The following DMD variants were observed in gnomAD, a reference collection of about 807,000 sequenced individuals.
DMD encodes the protein dystrophin, also known as mutant dystrophin.
Under a neutral mutation model 330.1 loss-of-function variants are expected in DMD, and 63 were observed. The ratio of observed to expected loss-of-function variants is 0.19; its 90% confidence interval spans 0.16 to 0.24. The LOEUF is 0.24. Ranked by LOEUF, DMD falls within the 10% of genes least tolerant of loss-of-function variation. The probability of loss-of-function intolerance (pLI) is 1.00; values close to 1 mark genes in which losing one functional copy is unlikely to be tolerated. For synonymous variants in DMD, 1,223 were observed against 959.8 expected, an observed-to-expected ratio of 1.27 and a Z score of -5.07; for missense variants, 3,344 against 2,684.1, an observed-to-expected ratio of 1.25 and a Z score of -5.43.
At chrX:32,024,732 G>C (rs919960171) in intron 44 of DMD, among the ~76,000 whole-genome samples, 49 of 110,931 alleles carry the variant, frequency 4.4e-4, no homozygotes, top group African/African-American at 1.5e-3. Context: ...AATTAATGTA[G>C]AGAAAGTAAT....
At chrX:31,770,419 T>C (rs1156818862) in intron 51 of DMD, among the ~76,000 whole-genome samples, 1 of 109,715 alleles carries the variant, frequency 9.1e-6, no homozygotes, top group Non-Finnish European at 1.9e-5. Context: ...TTCAGCCATA[T>C]GGAATCACAA....
At chrX:31,989,893 G>A (rs905643770) in intron 44 of DMD, among the ~76,000 whole-genome samples, 1 of 111,039 alleles carries the variant, frequency 9.0e-6, no homozygotes, top group African/African-American at 3.3e-5. Context: ...TTGGGCTTCT[G>A]TTGATTCCAT....
At chrX:32,109,527 T>G (rs1359695436) in intron 44 of DMD, among the ~76,000 whole-genome samples, 1 of 109,954 alleles carries the variant, frequency 9.1e-6, no homozygotes, top group Non-Finnish European at 1.9e-5. Flanking sequence ...TCATACAAAA[T>G]TCATTAAAGA....
chrX:31,545,646 C>T (rs1341083046), intron 55 of DMD, among the ~76,000 whole-genome samples: 3 of 112,122 alleles, frequency 2.7e-5, no homozygotes, highest in African/African-American at 9.7e-5. Context: ...TGATTTCTAA[C>T]AAGGATTTGT....
At chrX:31,800,700 T>G (rs2092022277) in intron 50 of DMD, among the ~76,000 whole-genome samples, 1 of 112,424 alleles carries the variant, frequency 8.9e-6, no homozygotes, top group African/African-American at 3.2e-5. Context: ...TTTCCAAACT[T>G]TGATGCTCTG....
chrX:33,125,796 A>C (rs2095460070), intron 1 of DMD, among the ~76,000 whole-genome samples: 1 of 111,816 alleles, frequency 8.9e-6, no homozygotes, highest in African/African-American at 3.2e-5. Flanking sequence ...GGAGACTTTG[A>C]TGTATAGTAT....
intron 51 of DMD, among the ~76,000 whole-genome samples, chrX:31,756,390 A>G (rs1181028639): frequency 8.9e-6 from 1 of 112,436 alleles, no homozygotes; most frequent in Non-Finnish European, 1.9e-5. Flanking sequence ...CCTAAATACT[A>G]ATTATAAACG....
intron 13 of DMD, among the ~76,000 whole-genome samples, chrX:32,584,710 G>C (rs2054032045): frequency 8.9e-6 from 1 of 111,951 alleles, no homozygotes; most frequent in African/African-American, 3.2e-5. Flanking sequence ...TAAAAATATA[G>C]CAAGACTAAC....
intron 2 of DMD, among the ~76,000 whole-genome samples, chrX:32,990,931 AG>A (rs1464924241): frequency 2.7e-5 from 3 of 111,715 alleles, no homozygotes; most frequent in Non-Finnish European, 5.6e-5. Context: ...GCTTTATCCT[AG>A]AAAAGGTTGG....
intron 44 of DMD, among the ~76,000 whole-genome samples, chrX:32,191,311 C>A (rs1232774270): frequency 8.9e-6 from 1 of 111,977 alleles, no homozygotes; most frequent in Non-Finnish European, 1.9e-5. Context: ...CTTCTCCCTG[C>A]TAAACTTCCC....
chrX:32,312,889 C>T (rs12399326), intron 41 of DMD, among the ~76,000 whole-genome samples: 45,039 of 91,601 alleles, frequency 0.49, 11,101 homozygotes, highest in South Asian at 0.73. Flanking sequence ...AAGTTGAATC[C>T]CTGAATAGAC....
At chrX:32,456,403 C>A (rs1315761044) in intron 25 of DMD, among the ~76,000 whole-genome samples, 1 of 110,758 alleles carries the variant, frequency 9.0e-6, no homozygotes, top group East Asian at 2.8e-4. Context: ...CTTAAGAAAA[C>A]ATGCTGCTAT....
chrX:32,107,338 ATGTGTGTGTGTG>A (rs34502564), intron 44 of DMD, among the ~76,000 whole-genome samples: 6 of 89,132 alleles, frequency 6.7e-5, no homozygotes, highest in Non-Finnish European at 1.3e-4. Context: ...ATATAATTAT[ATGTGTGTGTGTG>A]TGTGTGTGTG....
chrX:32,316,785 C>T (rs957103524), intron 41 of DMD, among the ~76,000 whole-genome samples: 1 of 110,417 alleles, frequency 9.1e-6, no homozygotes, highest in Non-Finnish European at 1.9e-5. Context: ...CAAAAGAGAA[C>T]CAGACATTTG....
intron 2 of DMD, among the ~76,000 whole-genome samples, chrX:32,932,386 C>T (rs149776112): frequency 0.012 from 1,364 of 111,721 alleles, 26 homozygotes; most frequent in African/African-American, 0.042. Context: ...ATATAGTTTC[C>T]GTACTCCCCT....
At chrX:33,032,947 C>G (rs1415460879) in intron 1 of DMD, among the ~76,000 whole-genome samples, 2 of 111,914 alleles carry the variant, frequency 1.8e-5, no homozygotes, top group Non-Finnish European at 3.8e-5. Context: ...GAAGGCCAAA[C>G]ATGTTTTCAG....
intron 1 of DMD, among the ~76,000 whole-genome samples, chrX:33,184,339 C>T (rs1488684099): frequency 1.8e-5 from 2 of 111,543 alleles, no homozygotes; most frequent in Non-Finnish European, 3.8e-5. Flanking sequence ...ACGCACTATT[C>T]TTTTTTAATG....
At chrX:32,001,467 T>C (rs1197891588) in intron 44 of DMD, among the ~76,000 whole-genome samples, 2 of 109,716 alleles carry the variant, frequency 1.8e-5, no homozygotes, top group Non-Finnish European at 1.9e-5. Flanking sequence ...ATTTCTAAAA[T>C]TGTCTTGGGT....
intron 57 of DMD, among the ~76,000 whole-genome samples, chrX:31,480,554 TTGTG>T (rs60621342): frequency 0.1 from 9,169 of 91,200 alleles, 392 homozygotes; most frequent in Non-Finnish European, 0.11. Context: ...ATCTCCATGT[TTGTG>T]TGTGTGTGTG....
Sources: allele counts gnomAD v4.1 joint callset (sites outside exome capture counted in the v4.1 genomes callset), GRCh38; gene constraint gnomAD v4.1.1; transcripts MANE v1.5; gene names NCBI Gene and HGNC (gene_info 2026-07-23, HGNC 2026-07-21).